TRPM3: variants seen among roughly 807,000 people sequenced by gnomAD.
The protein encoded by TRPM3 is long transient receptor potential channel 3.
Under a neutral mutation model 181.2 loss-of-function variants are expected in TRPM3, and 77 were observed. The observed-to-expected ratio is 0.42, with a 90% confidence interval of 0.35 to 0.51. TRPM3 has a LOEUF of 0.51. Among genes scored for constraint, TRPM3 ranks in the 20% least tolerant of loss-of-function variants. TRPM3 has a pLI of 0.01. For synonymous variants in TRPM3, 745 were observed against 796.4 expected (o/e 0.94, Z 1.09); for missense variants, 1,759 against 2,196.7 (o/e 0.80, Z 3.98).
intron 8 of TRPM3, among the ~76,000 whole-genome samples, chr9:70,752,018 G>GTGTGTGTGTGTGTGTGTGTGTGTGTGTT: frequency 3.4e-5 from 4 of 117,042 alleles, no homozygotes; most frequent in African/African-American, 1.2e-4. Context: ...GTGTGTGTGT[G>GTGTGTGTGTGTGTGTGTGTGTGTGTGTT]TGTGTGTGTG....
At chr9:71,345,259 C>T (rs756860380) in intron 1 of TRPM3, among the ~76,000 whole-genome samples, 3 of 152,104 alleles carry the variant, frequency 2.0e-5, no homozygotes, top group Non-Finnish European at 2.9e-5. Flanking sequence ...CAAAGGATTA[C>T]AAATCATTCT....
intron 1 of TRPM3, among the ~76,000 whole-genome samples, chr9:71,178,503 C>G (rs924392755): frequency 3.3e-5 from 5 of 152,030 alleles, no homozygotes; most frequent in Admixed American, 6.6e-5. Context: ...GGATTTTAGA[C>G]TAGTCCACAT....
intron 6 of TRPM3, chr9:70,811,348 G>A (rs1036170692): frequency 2.1e-6 from 2 of 960,960 alleles, no homozygotes; most frequent in Non-Finnish European, 1.6e-6. Context: ...TATACGTGAT[G>A]GCAACTCAAG....
chr9:71,134,288 G>C (rs969161765), intron 1 of TRPM3, among the ~76,000 whole-genome samples: 3 of 152,048 alleles, frequency 2.0e-5, no homozygotes, highest in Non-Finnish European at 4.4e-5. Context: ...TTTTCAGCCA[G>C]GCACAGTGGC....
In TRPM3 at chr9:70,535,416, G is replaced by C. The variant is rs1456473394; in HGVS notation, c.*537C>G. On this transcript the variant is annotated 3_prime_UTR_variant, in exon 26 of 26. Transcript: ENST00000677713. The stretch of plus-strand genomic sequence containing the variant: ...AGGATGTGGGACGTTAGGTAGAACT[G>C]CTTGCTGCCGGCTTATACTGAATAA... 6.4e-7 allele frequency: 1 copy of C among 1,550,390 alleles called. No individual in the cohort carries two copies. Among genetic ancestry groups the C allele is most frequent in the East Asian group, 2.4e-5 (1 of 40,936 alleles).
chr9:71,356,033 C>A (rs11142807), intron 1 of TRPM3, among the ~76,000 whole-genome samples: 7,071 of 152,186 alleles, frequency 0.046, 257 homozygotes, highest in East Asian at 0.12. Context: ...AATGCGTTCT[C>A]ATTCCTGAAG....
chr9:71,026,527 G>A (rs1449650671), intron 1 of TRPM3, among the ~76,000 whole-genome samples: 3 of 152,146 alleles, frequency 2.0e-5, no homozygotes, highest in Admixed American at 6.5e-5. Flanking sequence ...GTTTGCAGAG[G>A]AACTCTTCCT....
intron 1 of TRPM3, among the ~76,000 whole-genome samples, chr9:71,229,958 A>G (rs2080939556): frequency 1.3e-5 from 2 of 152,152 alleles, no homozygotes; most frequent in South Asian, 4.1e-4. Context: ...AAAGGAAATA[A>G]AAGAGATAGC....
intron 6 of TRPM3, chr9:70,809,892 G>T (rs2091578263): frequency 7.7e-6 from 4 of 516,536 alleles, no homozygotes; most frequent in South Asian, 5.8e-5. Flanking sequence ...TCTCTTATGG[G>T]ACAGTTATGG....
chr9:70,765,666 AG>A (rs1359520050), intron 7 of TRPM3, among the ~76,000 whole-genome samples: 2 of 152,184 alleles, frequency 1.3e-5, no homozygotes, highest in African/African-American at 4.8e-5. Context: ...CTGCTGAACT[AG>A]ATTTCTTCTG....
In TRPM3 at chr9:70,788,571, T is replaced by C. The variant is rs527734285; in HGVS notation, c.974-4292A>G. On this transcript the variant is annotated intron_variant, in intron 6 of 25. Transcript: ENST00000677713. ...GGTTTCATGGAAGACAATTTTTCCA[T>C]GGACGCCGGAAGGGGGATGGTTTTG... Among the ~76,000 whole-genome samples, 10 of 152,282 alleles carry C rather than the reference T, an allele frequency of 6.6e-5. No individual in the cohort carries two copies. The East Asian group carries it at 7.7e-4, about 12-fold the overall frequency.
chr9:71,306,604 G>A (rs969774019), intron 1 of TRPM3, among the ~76,000 whole-genome samples: 4 of 152,118 alleles, frequency 2.6e-5, no homozygotes, highest in South Asian at 2.1e-4. Context: ...AACCAGGCAT[G>A]GTGGCTCACG....
intron 1 of TRPM3, among the ~76,000 whole-genome samples, chr9:71,071,467 TGA>T (rs1389739514): frequency 6.6e-6 from 1 of 152,178 alleles, no homozygotes; most frequent in African/African-American, 2.4e-5. Context: ...TAGCAAATGA[TGA>T]GAGATTGTTA....
rs887185251 is a variant in TRPM3, at chr9:70,696,119, T to C, written c.1273-14541A>G. Among the ~76,000 whole-genome samples the C allele has an allele frequency of 2.0e-5, 3 of 152,348 alleles. No homozygotes were observed. In the East Asian group the frequency reaches 5.8e-4, roughly 29 times the overall value. On this transcript the variant is annotated intron_variant, in intron 8 of 25. Coordinates refer to ENST00000677713, the MANE Select transcript of TRPM3 (RefSeq NM_001366145.2). Reference sequence around the variant, plus strand: ...GGCAAGGATCTTCCCCTCCGTTCTATTCTATCTCTACATCCCCTTAACCCA... The same window carrying C: ...GGCAAGGATCTTCCCCTCCGTTCTACTCTATCTCTACATCCCCTTAACCCA...
At chr9:71,213,343 T>TA (rs1224453015) in intron 1 of TRPM3, among the ~76,000 whole-genome samples, 2 of 152,218 alleles carry the variant, frequency 1.3e-5, no homozygotes, top group Non-Finnish European at 2.9e-5. Context: ...TTGTGGGCTC[T>TA]AAAAAAACAG....
At chr9:70,838,937 A>G (rs1352619929) in intron 5 of TRPM3, among the ~76,000 whole-genome samples, 2 of 152,134 alleles carry the variant, frequency 1.3e-5, no homozygotes, top group Non-Finnish European at 2.9e-5. Context: ...TAGATCACAC[A>G]TCTTTCAAAA....
rs71367210 is a variant in TRPM3, at chr9:70,664,641, G to GTTTT, written c.1345+16861_1345+16864dup. Among the ~76,000 whole-genome samples, 381 of 100,280 alleles carry GTTTT rather than the reference G, an allele frequency of 3.8e-3. 41 individuals carry two copies. The highest frequency in any genetic ancestry group is 0.018 in the Middle Eastern group (3 of 170). The allele number at this position is 100,280 out of a possible 152,430, so 65.8% of individuals were successfully genotyped here. The stretch of plus-strand genomic sequence containing the variant: ...ACAACCACACCCGATTAGGAGAGTA[G>GTTTT]TTTTTTTTTTTTTTTTTTTTTTTTT... On this transcript the variant is annotated intron_variant, in intron 9 of 25. Coordinates refer to ENST00000677713, the MANE Select transcript of TRPM3 (RefSeq NM_001366145.2).
chr9:71,272,977 C>T (rs1318763987), intron 1 of TRPM3, among the ~76,000 whole-genome samples: 1 of 151,468 alleles, frequency 6.6e-6, no homozygotes, highest in Non-Finnish European at 1.5e-5. Context: ...CGGGTTCAAA[C>T]GATTCTCCTG....
At chr9:71,285,604 T>C (rs1340654826) in intron 1 of TRPM3, among the ~76,000 whole-genome samples, 5 of 152,194 alleles carry the variant, frequency 3.3e-5, no homozygotes, top group African/African-American at 1.2e-4. Flanking sequence ...AAAGGCCATT[T>C]CATCTCAGGG....
Sources: allele counts gnomAD v4.1 joint callset (sites outside exome capture counted in the v4.1 genomes callset), GRCh38; gene constraint gnomAD v4.1.1; transcripts MANE v1.5; gene names NCBI Gene and HGNC (gene_info 2026-07-23, HGNC 2026-07-21).